The following SPAG9 variants were observed in gnomAD, a reference collection of about 807,000 sequenced individuals.
SPAG9 encodes sperm associated antigen 9.
Under a neutral mutation model 166.5 loss-of-function variants are expected in SPAG9, and 35 were observed. The observed-to-expected ratio is 0.21, with a 90% CI of 0.16 to 0.28. SPAG9 has a LOEUF of 0.28. Ranked by LOEUF, SPAG9 falls within the 10% of genes least tolerant of loss-of-function variation. The pLI, the probability that SPAG9 is intolerant of heterozygous loss-of-function variation, is 1.00. For synonymous variants in SPAG9, 534 were observed against 565.5 expected (o/e 0.94, Z 0.79); for missense variants, 1,235 against 1,603.3 (o/e 0.77, Z 3.92).
chr17:50,967,574 C>T (rs918702770), intron 29 of SPAG9, among the ~76,000 whole-genome samples: 7 of 152,112 alleles, frequency 4.6e-5, no homozygotes, highest in Non-Finnish European at 1.0e-4. Flanking sequence ...TTAAGTTTGG[C>T]TCTTAAATTT....
rs1435058430 is a variant in SPAG9 at position 51,007,307 on chromosome 17, C to A, written c.1233G>T (p.Glu411Asp). ...GTTGTGTATTTTCTAATATAAGATT[C>A]TCAACTTCCCGACCCATTCCTATCA... The part of the protein sequence containing the change: ...ADLLGMGREV[E>D]NLILENTQLL... Residue 411 changes from glutamate (E) to aspartate (D), a missense_variant, in exon 10 of 30, where the codon GAG (glutamate) becomes GAT (aspartate). This residue lies in a region of SPAG9 where 125 missense variants were observed against 194.0 expected (regional missense o/e 0.64). Transcript: ENST00000262013. 7.0e-6 allele frequency: 11 copies of A among 1,582,202 alleles called. No homozygotes were observed. The highest frequency in any genetic ancestry group is 9.5e-6 in the Non-Finnish European group (11 of 1,160,562).
At chr17:51,071,896 G>A (rs1053820430) in intron 2 of SPAG9, among the ~76,000 whole-genome samples, 1 of 141,828 alleles carries the variant, frequency 7.1e-6, no homozygotes, top group Admixed American at 7.5e-5. Flanking sequence ...CTAATACACT[G>A]TATAAACATG....
intron 8 of SPAG9, among the ~76,000 whole-genome samples, chr17:51,016,435 G>C (rs2045700612): frequency 1.3e-5 from 2 of 152,214 alleles, no homozygotes; most frequent in Non-Finnish European, 2.9e-5. Context: ...GGAATAGGAG[G>C]CTGCAGGAGA....
intron 1 of SPAG9, among the ~76,000 whole-genome samples, chr17:51,090,958 T>C (rs571013513): frequency 6.6e-5 from 10 of 152,210 alleles, no homozygotes; most frequent in African/African-American, 2.4e-4. Flanking sequence ...AAATTACATA[T>C]GTGAACAAGA....
chr17:51,041,555 A>C lies in SPAG9; in HGVS notation c.687T>G (p.Ser229=). ...DAQKGGETPG[S]EQWKFQELSQ... ...TTAATTCCTGAAATTTCCATTGCTC[A>C]GATCCAGGGGTCTCTCCTCCTTTCT... is the stretch of plus-strand genomic sequence containing the variant. The change falls in exon 5 of 30, where the codon TCT becomes TCG. Residue 229 remains serine, a synonymous_variant. Transcript: ENST00000262013. 1 of 1,614,036 alleles carries C rather than the reference A, an allele frequency of 6.2e-7. No homozygotes were observed. Among genetic ancestry groups the C allele is most frequent in the Non-Finnish European group, 8.5e-7 (1 of 1,179,916 alleles).
chr17:51,115,225 C>G (rs190127311), intron 1 of SPAG9, among the ~76,000 whole-genome samples: 1 of 152,068 alleles, frequency 6.6e-6, no homozygotes, highest in Admixed American at 6.6e-5. Context: ...GGGTCTTGCC[C>G]TGTTGTCAAG....
chr17:51,091,635 TCA>T (rs1208738187), intron 1 of SPAG9, among the ~76,000 whole-genome samples: 1 of 151,948 alleles, frequency 6.6e-6, no homozygotes, highest in African/African-American at 2.4e-5. Context: ...TCTGTTTTTC[TCA>T]CACACATACC....
chr17:51,023,579 C>T (rs1251749016), intron 6 of SPAG9, among the ~76,000 whole-genome samples: 1 of 151,956 alleles, frequency 6.6e-6, no homozygotes, highest in Admixed American at 6.6e-5. Context: ...AAAGAGTCAC[C>T]GATTATCAAT....
chr17:50,985,866 G>A, intron 22 of SPAG9, 88 bp from the exon 23 acceptor site: 1 of 699,124 alleles, frequency 1.4e-6, no homozygotes, highest in Non-Finnish European at 2.4e-6. Context: ...TCATTCAGAA[G>A]GAAAGAAGAG....
chr17:50,964,862 C>T lies in SPAG9; in HGVS notation c.*1410G>A. The T allele has an allele frequency of 3.6e-6, 1 of 279,472 alleles. No homozygotes were observed. The highest frequency in any genetic ancestry group is 2.6e-5 in the South Asian group (1 of 38,990). The allele number at this position is 279,472 out of a possible 1,614,324, so 17.3% of individuals were successfully genotyped here. On this transcript the variant is annotated 3_prime_UTR_variant, in exon 30 of 30. Coordinates refer to ENST00000262013, the MANE Select transcript of SPAG9 (RefSeq NM_001130528.3). ...CCACCTCCTGGGCCCAGGTCATCCTCCCACCTCAGCCTCCCAAGTAGCTGG... is the reference window on the plus strand; with the variant it reads ...CCACCTCCTGGGCCCAGGTCATCCTTCCACCTCAGCCTCCCAAGTAGCTGG...
Position 51,089,956 on chromosome 17 carries a change from C to T in SPAG9, c.304-10252G>A, listed in dbSNP as rs142458680. Among the ~76,000 whole-genome samples, 1,311 of 151,338 alleles carry T rather than the reference C, an allele frequency of 8.7e-3. 16 individuals are homozygous for T. Among genetic ancestry groups the T allele is most frequent in the African/African-American group, 0.031 (1,272 of 41,282 alleles). ...GCCTCCCAAAGTGCTGGATTACAGGCGTGAGCCACCGTGCCCGGCCATATA... is the reference window on the plus strand; with the variant it reads ...GCCTCCCAAAGTGCTGGATTACAGGTGTGAGCCACCGTGCCCGGCCATATA... On this transcript the variant is annotated intron_variant, in intron 1 of 29. Transcript: ENST00000262013.
chr17:51,113,005 A>G (rs1421330179), intron 1 of SPAG9, among the ~76,000 whole-genome samples: 3 of 150,948 alleles, frequency 2.0e-5, no homozygotes, highest in African/African-American at 2.4e-5. Flanking sequence ...GGAAAAAAAA[A>G]TCACAAAAAC....
chr17:50,992,379 GTATTGTACTCT>G (rs1441467130), intron 19 of SPAG9, among the ~76,000 whole-genome samples: 1 of 152,132 alleles, frequency 6.6e-6, no homozygotes, highest in Non-Finnish European at 1.5e-5. Context: ...AGAGGATAAT[GTATTGTACTCT>G]TAAAAATTTG....
At chr17:51,065,619 C>T (rs536694120) in intron 2 of SPAG9, among the ~76,000 whole-genome samples, 1 of 152,222 alleles carries the variant, frequency 6.6e-6, no homozygotes, top group East Asian at 1.9e-4. Flanking sequence ...TACTAATGGC[C>T]CCCACTAAGG....
intron 1 of SPAG9, among the ~76,000 whole-genome samples, chr17:51,080,397 A>G (rs2048127249): frequency 6.6e-6 from 1 of 150,684 alleles, no homozygotes; most frequent in South Asian, 2.1e-4. Flanking sequence ...ACTTCTTAAC[A>G]TTGGCATGCT....
intron 12 of SPAG9, among the ~76,000 whole-genome samples, chr17:51,004,565 C>G (rs568823343): frequency 2.0e-5 from 3 of 152,164 alleles, no homozygotes; most frequent in Non-Finnish European, 2.9e-5. Context: ...AGGCAAAATC[C>G]CACCTTTACT....
intron 2 of SPAG9, among the ~76,000 whole-genome samples, chr17:51,063,571 T>C (rs192475597): frequency 6.6e-6 from 1 of 152,238 alleles, no homozygotes; most frequent in East Asian, 1.9e-4. Context: ...AAATACTGAA[T>C]TTTGCAACAT....
At chr17:51,116,238 G>A (rs2049284677) in intron 1 of SPAG9, among the ~76,000 whole-genome samples, 1 of 152,008 alleles carries the variant, frequency 6.6e-6, no homozygotes, top group African/African-American at 2.4e-5. Flanking sequence ...TACAGACAGG[G>A]TTTCATCATG....
rs762489586 is a variant in SPAG9, at chr17:50,990,530, C to T, written c.2537G>A (p.Gly846Asp). Residue 846 changes from glycine to aspartate, a missense_variant, in exon 20 of 30, where the codon GGT becomes GAT. This residue lies in a region of SPAG9 where 493 missense variants were observed against 559.4 expected (regional missense o/e 0.88). Transcript: ENST00000262013. ...TCCCGTCACACCTTCTGCAGAACAA[C>T]CAACCACTGTGATGCCTCCTAACAG... ...DSLLGGITVV[G>D]CSAEGVTGAA... The T allele has an allele frequency of 1.9e-6, 3 of 1,614,206 alleles. No individual in the cohort carries two copies. Among genetic ancestry groups the T allele is most frequent in the Non-Finnish European group, 2.5e-6 (3 of 1,180,026 alleles).
Sources: gnomAD v4.1 joint callset for allele counts (sites outside exome capture counted in the v4.1 genomes callset) on GRCh38, gnomAD v4.1.1 for gene constraint, gnomAD v4.1.1 regional missense constraint, MANE v1.5 for transcripts, NCBI Gene and HGNC (gene_info 2026-07-23, HGNC 2026-07-21) for gene names.